Variants in ARHGAP29 observed in about 807,000 individuals in gnomAD.
ARHGAP29 encodes rho GTPase-activating protein 29.
A neutral mutation model predicts 122.6 loss-of-function variants in ARHGAP29; 43 were observed. That is an observed-to-expected ratio of 0.35 (90% CI 0.27 to 0.45). The LOEUF (loss-of-function observed/expected upper bound fraction) is 0.45, where lower values mean the gene tolerates loss of function less well. Ranked by LOEUF, ARHGAP29 falls within the 20% of genes least tolerant of loss-of-function variation. ARHGAP29 has a pLI of 1.00. For synonymous variants in ARHGAP29, 506 were observed against 497.1 expected (o/e 1.02, Z -0.24); for missense variants, 1,303 against 1,477.2 (o/e 0.88, Z 1.93).
At chr1:94,309,439 C>T in the ARHGAP29 span, among the ~76,000 whole-genome samples, 1 of 152,320 alleles carries the variant, frequency 6.6e-6, no homozygotes, top group Non-Finnish European at 1.5e-5. Flanking sequence ...CTGGAAAGTG[C>T]TCTTCCTCGC....
In ARHGAP29 at chr1:94,171,029, A is replaced by G. The variant is rs1294849422; in HGVS notation, c.*2840T>C. ...TATATAATCATATCAACACATCACC[A>G]TAATTTCCTGCCTGTAGGAAAGAAA... On this transcript the variant is annotated 3_prime_UTR_variant, in exon 23 of 23. Coordinates refer to ENST00000260526, the MANE Select transcript of ARHGAP29 (RefSeq NM_004815.4). Among the ~76,000 whole-genome samples, 1 of 152,192 alleles carries G rather than the reference A, an allele frequency of 6.6e-6. No homozygotes were observed. The highest frequency in any genetic ancestry group is 1.5e-5 in the Non-Finnish European group (1 of 68,036).
chr1:94,281,374 T>G, the ARHGAP29 span, among the ~76,000 whole-genome samples: 1 of 152,164 alleles, frequency 6.6e-6, no homozygotes, highest in South Asian at 2.1e-4. Flanking sequence ...AAGGCCCTTG[T>G]GCTATCATAT....
At chr1:94,254,069 C>A (rs575527849) in intron 1 of ARHGAP29, among the ~76,000 whole-genome samples, 1 of 152,168 alleles carries the variant, frequency 6.6e-6, no homozygotes, top group South Asian at 2.1e-4. Flanking sequence ...CAATAGCTGA[C>A]AATGTGTGGC....
chr1:94,239,167 T>A (rs572190487), upstream of ARHGAP29, among the ~76,000 whole-genome samples: 1 of 152,158 alleles, frequency 6.6e-6, no homozygotes, highest in Non-Finnish European at 1.5e-5. Context: ...AAGCCAATGA[T>A]GCCTGAACTG....
chr1:94,209,395 C>A (rs781028893), intron 3 of ARHGAP29, 45 bp from the exon 4 acceptor site: 3 of 1,204,118 alleles, frequency 2.5e-6, no homozygotes, highest in Non-Finnish European at 3.6e-6. Flanking sequence ...ATACTTTAAA[C>A]TAGATTTATA....
chr1:94,180,496 G>C (rs183617758), intron 19 of ARHGAP29, among the ~76,000 whole-genome samples: 1 of 152,310 alleles, frequency 6.6e-6, no homozygotes, highest in East Asian at 1.9e-4. Context: ...ATGCCATTTT[G>C]ATCTGCCCAG....
intron 2 of ARHGAP29, among the ~76,000 whole-genome samples, chr1:94,224,360 A>G (rs1570569748): frequency 6.6e-6 from 1 of 152,162 alleles, no homozygotes. Flanking sequence ...TTCAGGTATT[A>G]ATATACTTAG....
chr1:94,253,939 G>A (rs551629372), intron 1 of ARHGAP29, among the ~76,000 whole-genome samples: 1 of 152,124 alleles, frequency 6.6e-6, no homozygotes, highest in South Asian at 2.1e-4. Flanking sequence ...AAAATATTTG[G>A]TTTAGAAACC....
chr1:94,181,039 C>A lies in ARHGAP29; in HGVS notation c.2248-1082G>T, dbSNP rs550654385. Among the ~76,000 whole-genome samples the A allele has an allele frequency of 7.9e-5, 12 of 152,282 alleles. No individual in the cohort carries two copies. The South Asian group carries it at 1.9e-3, about 24-fold the overall frequency. ...TAAATCCAACAATTATACCCAATTT[C>A]TTTTCCTGCAATCCCACTAAAATAC... On this transcript the variant is annotated intron_variant, in intron 19 of 22. Coordinates refer to ENST00000260526, the MANE Select transcript of ARHGAP29 (RefSeq NM_004815.4).
At chr1:94,228,470 T>C (rs1182800763) in intron 2 of ARHGAP29, among the ~76,000 whole-genome samples, 1 of 151,800 alleles carries the variant, frequency 6.6e-6, no homozygotes, top group Non-Finnish European at 1.5e-5. Context: ...AGCTAGTCAG[T>C]AGAACTAGGC....
intron 2 of ARHGAP29, among the ~76,000 whole-genome samples, chr1:94,225,889 G>A (rs1004694694): frequency 1.3e-5 from 2 of 151,832 alleles, no homozygotes; most frequent in Non-Finnish European, 2.9e-5. Context: ...TACTCACTCT[G>A]TAATACAGTA....
At chr1:94,181,724 C>T (rs1015509627) in intron 19 of ARHGAP29, among the ~76,000 whole-genome samples, 60 of 151,852 alleles carry the variant, frequency 4.0e-4, no homozygotes, top group African/African-American at 7.0e-4. Context: ...GTCATGGAGA[C>T]GGAAATCAAA....
intron 5 of ARHGAP29, among the ~76,000 whole-genome samples, chr1:94,206,966 AAT>A (rs201730793): frequency 4.7e-5 from 7 of 148,912 alleles, no homozygotes; most frequent in Non-Finnish European, 4.5e-5. Context: ...AAATGAGGCA[AAT>A]ATATATATAT....
Position 94,184,110 on chromosome 1 carries a change from T to C in ARHGAP29, c.2247+41A>G, listed in dbSNP as rs1195194674. The C allele has an allele frequency of 3.2e-6, 5 of 1,584,096 alleles. No individual in the cohort carries two copies. In the South Asian group the frequency reaches 4.7e-5, roughly 15 times the overall value. On this transcript the variant is annotated intron_variant, in intron 19 of 22. Transcript: ENST00000260526. Reference sequence around the variant, plus strand: ...CAAAATACAAATCATATTTTTGCTGTTTTTAATTTAATGGTGGGTTTCAAG... The same window carrying C: ...CAAAATACAAATCATATTTTTGCTGCTTTTAATTTAATGGTGGGTTTCAAG...
At chr1:94,311,261 T>G in the ARHGAP29 span, among the ~76,000 whole-genome samples, 1 of 152,168 alleles carries the variant, frequency 6.6e-6, no homozygotes, top group Non-Finnish European at 1.5e-5. Flanking sequence ...GCTATTAATG[T>G]CTTTCCTTCT....
intron 1 of ARHGAP29, among the ~76,000 whole-genome samples, chr1:94,262,095 GC>G (rs1284825137): frequency 2.6e-5 from 4 of 152,070 alleles, no homozygotes; most frequent in African/African-American, 7.2e-5. Flanking sequence ...GAGAAAAAAG[GC>G]CACACACCTA....
the ARHGAP29 span, among the ~76,000 whole-genome samples, chr1:94,303,271 G>A: frequency 6.6e-6 from 1 of 152,322 alleles, no homozygotes; most frequent in Non-Finnish European, 1.5e-5. Context: ...TAACATGGAT[G>A]AGCCTTGAGG....
intron 1 of ARHGAP29, among the ~76,000 whole-genome samples, chr1:94,254,718 T>G (rs1000084143): frequency 5.9e-5 from 9 of 152,122 alleles, no homozygotes; most frequent in Non-Finnish European, 1.0e-4. Context: ...TGGAGTTGCT[T>G]TGTGAGTCAG....
the ARHGAP29 span, among the ~76,000 whole-genome samples, chr1:94,282,515 A>G: frequency 6.6e-6 from 1 of 152,018 alleles, no homozygotes; most frequent in African/African-American, 2.4e-5. Context: ...GCCTCAAGCG[A>G]TCCTCCCATC....
Sources: gnomAD v4.1 joint callset for allele counts (sites outside exome capture counted in the v4.1 genomes callset) on GRCh38, gnomAD v4.1.1 for gene constraint, MANE v1.5 for transcripts, NCBI Gene and HGNC (gene_info 2026-07-23, HGNC 2026-07-21) for gene names.